The following NEK11 variants were observed in gnomAD, a reference collection of about 807,000 sequenced individuals.
NEK11 encodes the protein NIMA related kinase 11, also known as serine/threonine-protein kinase Nek11.
In NEK11, 72 loss-of-function variants were observed where a neutral mutation model predicts 80.7. The observed-to-expected ratio is 0.89, with a 90% CI of 0.74 to 1.08. The LOEUF is 1.08. NEK11 is among the 50% of genes least tolerant of loss of function. The pLI is 0.00. For missense variants in NEK11, 764 were observed against 763.6 expected (o/e 1.00, Z -0.01); for synonymous variants, 251 against 260.7 (o/e 0.96, Z 0.36).
chr3:131,305,430 G>A (rs149031339), intron 17 of NEK11, among the ~76,000 whole-genome samples: 2 of 152,212 alleles, frequency 1.3e-5, no homozygotes, highest in African/African-American at 4.8e-5. Context: ...CCCAGGAGAA[G>A]CCAGCAGACA....
intron 4 of NEK11, among the ~76,000 whole-genome samples, chr3:131,084,788 G>A (rs1478046462): frequency 6.6e-6 from 1 of 152,186 alleles, no homozygotes; most frequent in South Asian, 2.1e-4. Context: ...AAATCCTGAG[G>A]CCTGAGGCCC....
At chr3:131,323,315 C>G (rs1202888684) in intron 17 of NEK11, among the ~76,000 whole-genome samples, 1 of 152,238 alleles carries the variant, frequency 6.6e-6, no homozygotes, top group Non-Finnish European at 1.5e-5. Context: ...AGTCTTGATT[C>G]ATCCCTTCTG....
chr3:131,169,849 G>A (rs139616378), intron 13 of NEK11, among the ~76,000 whole-genome samples: 199 of 152,270 alleles, frequency 1.3e-3, no homozygotes, highest in African/African-American at 4.6e-3. Context: ...TGAAGTGCAC[G>A]TAAAGACGTA....
At chr3:131,042,211 G>GT (rs34083203) in intron 3 of NEK11, among the ~76,000 whole-genome samples, 67,419 of 149,404 alleles carry the variant, frequency 0.45, 17,701 homozygotes, top group Middle Eastern at 0.66. Flanking sequence ...TTTGTTTTTT[G>GT]TTTTTTTTTT....
At chr3:131,124,973 T>C (rs1031893315) in intron 5 of NEK11, among the ~76,000 whole-genome samples, 4 of 152,146 alleles carry the variant, frequency 2.6e-5, no homozygotes, top group African/African-American at 7.2e-5. Flanking sequence ...AGTAGTATAG[T>C]GCTTAGGATT....
At chr3:131,335,557 C>T (rs1444342672) in intron 17 of NEK11, among the ~76,000 whole-genome samples, 1 of 152,182 alleles carries the variant, frequency 6.6e-6, no homozygotes, top group Non-Finnish European at 1.5e-5. Context: ...AAAACTGGCA[C>T]AAGCCAGGGA....
intron 4 of NEK11, among the ~76,000 whole-genome samples, chr3:131,085,190 T>C (rs1442899920): frequency 3.3e-5 from 5 of 152,224 alleles, no homozygotes; most frequent in Non-Finnish European, 5.9e-5. Flanking sequence ...GGAAAAAATA[T>C]GCTGGCTAAC....
At chr3:131,115,926 CTTTCTTT>C (rs1560474723) in intron 5 of NEK11, among the ~76,000 whole-genome samples, 1 of 105,666 alleles carries the variant, frequency 9.5e-6, no homozygotes, top group African/African-American at 3.8e-5. Context: ...TTCTTTCTTT[CTTTCTTT>C]CTTTCTTTCT....
intron 14 of NEK11, among the ~76,000 whole-genome samples, chr3:131,209,773 G>A (rs2094552643): frequency 6.6e-6 from 1 of 152,198 alleles, no homozygotes; most frequent in Admixed American, 6.5e-5. Context: ...TATTTGCATA[G>A]AGGTGTTTAT....
intron 10 of NEK11, among the ~76,000 whole-genome samples, chr3:131,156,167 T>C (rs1465163376): frequency 6.6e-6 from 1 of 152,178 alleles, no homozygotes; most frequent in Non-Finnish European, 1.5e-5. Flanking sequence ...CATTATGAAA[T>C]ATTGACTTCA....
At chr3:131,035,534 C>T (rs558563256) in intron 3 of NEK11, among the ~76,000 whole-genome samples, 2 of 152,320 alleles carry the variant, frequency 1.3e-5, no homozygotes, top group South Asian at 4.1e-4. Context: ...GGGGTTCAGC[C>T]ACCACCCTGG....
Position 131,054,362 on chromosome 3 carries a change from T to G in NEK11, c.170+24484T>G, listed in dbSNP as rs1399191252. ...AAAAGTCAACATTTGAAGCCCCTCATAAATCTGCAGGCCTGAGAAAAAGAG... is the reference window on the plus strand; with the variant it reads ...AAAAGTCAACATTTGAAGCCCCTCAGAAATCTGCAGGCCTGAGAAAAAGAG... On this transcript the variant is annotated intron_variant, in intron 3 of 17. Coordinates refer to ENST00000383366, the MANE Select transcript of NEK11 (RefSeq NM_024800.5). 5 of 151,974 alleles carry G rather than the reference T, an allele frequency of 3.3e-5. No homozygotes were observed. The East Asian group carries it at 9.7e-4, about 29-fold the overall frequency. 9.4% of individuals were successfully genotyped at this position (151,974 alleles called of 1,614,324 possible). A position where few individuals can be genotyped will look rare whatever the true frequency, so the allele number is the denominator to read the frequency against.
chr3:131,212,594 A>G (rs2094672585), intron 14 of NEK11, among the ~76,000 whole-genome samples: 1 of 152,210 alleles, frequency 6.6e-6, no homozygotes. Flanking sequence ...AACTGTTTCT[A>G]TTAGGCCATC....
At chr3:131,077,535 T>C (rs1272338127) in intron 3 of NEK11, among the ~76,000 whole-genome samples, 1 of 152,210 alleles carries the variant, frequency 6.6e-6, no homozygotes, top group Non-Finnish European at 1.5e-5. Context: ...TATGTAAAAT[T>C]GCTCATGCTC....
At chr3:131,140,708 TG>T (rs1442640435) in intron 7 of NEK11, among the ~76,000 whole-genome samples, 1 of 152,168 alleles carries the variant, frequency 6.6e-6, no homozygotes, top group Non-Finnish European at 1.5e-5. Flanking sequence ...TTAAGAGAAG[TG>T]GCTTGTGCCA....
intron 17 of NEK11, among the ~76,000 whole-genome samples, chr3:131,313,533 C>A (rs1002567274): frequency 6.6e-6 from 1 of 152,120 alleles, no homozygotes; most frequent in Non-Finnish European, 1.5e-5. Flanking sequence ...GAGATGCTAT[C>A]TCATGATGGT....
intron 17 of NEK11, among the ~76,000 whole-genome samples, chr3:131,306,709 T>C (rs1561470124): frequency 6.6e-6 from 1 of 152,226 alleles, no homozygotes. Context: ...TGGTTCCTTC[T>C]CTTTTCCCCC....
At chr3:131,300,298 GT>G (rs1415795367) in intron 17 of NEK11, among the ~76,000 whole-genome samples, 2 of 152,104 alleles carry the variant, frequency 1.3e-5, no homozygotes, top group African/African-American at 4.8e-5. Flanking sequence ...CAGATGTATA[GT>G]TTGTAAATAT....
intron 4 of NEK11, among the ~76,000 whole-genome samples, chr3:131,085,953 G>C (rs1175528899): frequency 6.6e-6 from 1 of 152,020 alleles, no homozygotes; most frequent in Non-Finnish European, 1.5e-5. Flanking sequence ...ACTTTTGATG[G>C]GTAACTGGCA....
Sources: allele counts gnomAD v4.1 joint callset (sites outside exome capture counted in the v4.1 genomes callset), GRCh38; gene constraint gnomAD v4.1.1; transcripts MANE v1.5; gene names NCBI Gene and HGNC (gene_info 2026-07-23, HGNC 2026-07-21).